MTHFD2L: variants seen among roughly 807,000 people sequenced by gnomAD.
MTHFD2L encodes the protein bifunctional methylenetetrahydrofolate dehydrogenase/cyclohydrolase 2, mitochondrial.
MTHFD2L carries 29 observed loss-of-function variants against 34.9 expected under a neutral mutation model. The ratio of observed to expected loss-of-function variants is 0.83; its 90% CI spans 0.62 to 1.13. The LOEUF (loss-of-function observed/expected upper bound fraction) is 1.13, where lower values mean the gene tolerates loss of function less well. Ranked by LOEUF, MTHFD2L falls within the 50% of genes most tolerant of loss-of-function variation. MTHFD2L has a pLI of 0.00. For missense variants in MTHFD2L, 481 were observed against 446.5 expected, an observed-to-expected ratio of 1.08 and a Z score of -0.70; for synonymous variants, 167 against 155.7, an observed-to-expected ratio of 1.07 and a Z score of -0.54.
chr4:74,249,105 T>C (rs995279249), intron 6 of MTHFD2L, among the ~76,000 whole-genome samples: 81 of 152,160 alleles, frequency 5.3e-4, no homozygotes, highest in African/African-American at 1.9e-3. Context: ...ATTATTAATG[T>C]GTGGGAGTCT....
chr4:74,192,448 T>C (rs533555528), intron 3 of MTHFD2L, among the ~76,000 whole-genome samples: 6 of 152,312 alleles, frequency 3.9e-5, no homozygotes, highest in African/African-American at 1.4e-4. Context: ...ACACTTAATA[T>C]ACCCCTAAAA....
chr4:74,192,542 A>T (rs1387722861), intron 3 of MTHFD2L, among the ~76,000 whole-genome samples: 1 of 152,158 alleles, frequency 6.6e-6, no homozygotes, highest in Non-Finnish European at 1.5e-5. Context: ...TATATGTATT[A>T]TTCCATAAGT....
At chr4:74,240,168 G>A (rs532044698) in intron 6 of MTHFD2L, among the ~76,000 whole-genome samples, 3 of 152,304 alleles carry the variant, frequency 2.0e-5, no homozygotes, top group South Asian at 4.1e-4. Flanking sequence ...TCTGCAAAGG[G>A]TTTTGAGCAG....
At chr4:74,225,268 A>G in intron 5 of MTHFD2L, 34 bp from the exon 6 acceptor site, 1 of 1,530,846 alleles carries the variant, frequency 6.5e-7, no homozygotes. Context: ...TTAAAAGTTC[A>G]GTAATCACTG....
At chr4:74,176,288 T>G (rs903054642) in intron 3 of MTHFD2L, among the ~76,000 whole-genome samples, 22 of 152,102 alleles carry the variant, frequency 1.4e-4, no homozygotes, top group African/African-American at 5.1e-4. Context: ...AGATTCCTAT[T>G]GAAATGACTT....
At chr4:74,291,268 G>C (rs1297077126) in intron 7 of MTHFD2L, among the ~76,000 whole-genome samples, 2 of 151,718 alleles carry the variant, frequency 1.3e-5, no homozygotes, top group Non-Finnish European at 2.9e-5. Flanking sequence ...GCCCAGCTCG[G>C]CCTCCCAAAG....
At chr4:74,130,625 A>G (rs1326391042) in intron 1 of MTHFD2L, among the ~76,000 whole-genome samples, 1 of 152,202 alleles carries the variant, frequency 6.6e-6, no homozygotes, top group Non-Finnish European at 1.5e-5. Context: ...CCCACAGCCA[A>G]TATCATACTG....
chr4:74,231,638 C>T (rs1028619246), intron 6 of MTHFD2L, among the ~76,000 whole-genome samples: 1 of 152,118 alleles, frequency 6.6e-6, no homozygotes. Context: ...AATGCACAGG[C>T]CTTTCTAAAG....
chr4:74,251,749 A>G (rs1185933015), intron 6 of MTHFD2L, among the ~76,000 whole-genome samples: 1 of 152,226 alleles, frequency 6.6e-6, no homozygotes, highest in Admixed American at 6.5e-5. Context: ...ATTCTATTAT[A>G]GCTATCTGAC....
intron 7 of MTHFD2L, among the ~76,000 whole-genome samples, chr4:74,290,079 A>G (rs1366288589): frequency 6.6e-6 from 1 of 152,200 alleles, no homozygotes; most frequent in Non-Finnish European, 1.5e-5. Context: ...AATTTTCCCC[A>G]AATATCTGGT....
At chr4:74,247,758 T>C (rs1742695563) in intron 6 of MTHFD2L, among the ~76,000 whole-genome samples, 1 of 152,306 alleles carries the variant, frequency 6.6e-6, no homozygotes, top group African/African-American at 2.4e-5. Flanking sequence ...TTGTCTTTGG[T>C]TCTCTTGATA....
At chr4:74,126,055 G>T (rs1257456213) in intron 1 of MTHFD2L, among the ~76,000 whole-genome samples, 1 of 152,124 alleles carries the variant, frequency 6.6e-6, no homozygotes, top group African/African-American at 2.4e-5. Flanking sequence ...TACTAGCAAG[G>T]CCCAGGTTGG....
In MTHFD2L at chr4:74,301,447, G is replaced by A. The variant is rs184449689; in HGVS notation, c.932-250G>A. ...TGTAAAACAAACTGAGCTGCATGGA[G>A]CTTGAACCTAGGTGTCGGTCCATTT... On this transcript the variant is annotated intron_variant, in intron 7 of 7. Coordinates refer to ENST00000325278, the MANE Select transcript of MTHFD2L (RefSeq NM_001144978.3). Among the ~76,000 whole-genome samples the A allele has an allele frequency of 3.9e-5, 6 of 151,984 alleles. No homozygotes were observed. In the East Asian group the frequency reaches 1.2e-3, roughly 29 times the overall value.
At chr4:74,164,242 T>C (rs1394410357) in intron 1 of MTHFD2L, among the ~76,000 whole-genome samples, 3 of 152,168 alleles carry the variant, frequency 2.0e-5, no homozygotes, top group Non-Finnish European at 4.4e-5. Context: ...TGAATAAAGA[T>C]GAGATTGAAA....
intron 3 of MTHFD2L, among the ~76,000 whole-genome samples, chr4:74,187,195 A>T (rs1373823820): frequency 1.3e-5 from 2 of 152,212 alleles, no homozygotes; most frequent in Non-Finnish European, 2.9e-5. Context: ...TCAACTGTAG[A>T]CTGGAAATGG....
At chr4:74,167,705 G>C (rs1488553037) in intron 1 of MTHFD2L, among the ~76,000 whole-genome samples, 4 of 152,190 alleles carry the variant, frequency 2.6e-5, no homozygotes, top group Non-Finnish European at 4.4e-5. Flanking sequence ...TATATCTGAA[G>C]ATCTGGAGAG....
At chr4:74,231,303 A>G (rs1740018006) in intron 6 of MTHFD2L, among the ~76,000 whole-genome samples, 1 of 152,028 alleles carries the variant, frequency 6.6e-6, no homozygotes, top group Admixed American at 6.6e-5. Flanking sequence ...CCCCGGGTGT[A>G]TTTCCTCCTC....
chr4:74,178,299 C>G (rs1729438075), intron 3 of MTHFD2L, among the ~76,000 whole-genome samples: 1 of 152,056 alleles, frequency 6.6e-6, no homozygotes, highest in African/African-American at 2.4e-5. Context: ...ATACATATGT[C>G]AAAACATTGT....
intron 3 of MTHFD2L, among the ~76,000 whole-genome samples, chr4:74,178,017 T>A (rs1729379160): frequency 6.7e-6 from 1 of 149,878 alleles, no homozygotes. Context: ...AAAACCTGCA[T>A]GATCTTACCT....
Sources: allele counts gnomAD v4.1 joint callset (sites outside exome capture counted in the v4.1 genomes callset), GRCh38; gene constraint gnomAD v4.1.1; transcripts MANE v1.5; gene names NCBI Gene and HGNC (gene_info 2026-07-23, HGNC 2026-07-21).